The following AEBP2 variants were observed in gnomAD, a reference collection of about 807,000 sequenced individuals.
AEBP2 encodes the protein AE binding protein 2.
AEBP2 carries 10 observed loss-of-function variants against 50.8 expected under a neutral mutation model. That is an observed-to-expected ratio of 0.20 (90% CI 0.12 to 0.33). The LOEUF (loss-of-function observed/expected upper bound fraction) is 0.33. Ranked by LOEUF, AEBP2 falls within the 10% of genes least tolerant of loss-of-function variation. AEBP2 has a pLI of 1.00. For synonymous variants in AEBP2, 296 were observed against 261.3 expected, an observed-to-expected ratio of 1.13 and a Z score of -1.28; for missense variants, 570 against 688.0, an observed-to-expected ratio of 0.83 and a Z score of 1.92.
chr12:19,440,788 C>A, intron 1 of AEBP2: 1 of 1,529,072 alleles, frequency 6.5e-7, no homozygotes, highest in South Asian at 1.2e-5. Context: ...CAAGTGTTTC[C>A]AATATGGCTG....
chr12:19,470,164 C>CT (rs138544228), intron 2 of AEBP2, among the ~76,000 whole-genome samples: 24,179 of 144,178 alleles, frequency 0.17, 3,469 homozygotes, highest in African/African-American at 0.39. Context: ...TTTCTTTTTT[C>CT]TTTTTTTTTT....
chr12:19,450,624 G>C (rs1465651659), intron 1 of AEBP2, among the ~76,000 whole-genome samples: 1 of 139,866 alleles, frequency 7.1e-6, no homozygotes, highest in East Asian at 2.2e-4. Context: ...CAACCCAGGA[G>C]TTTGAGACCA....
chr12:19,448,070 A>AT (rs1003175905), intron 1 of AEBP2, among the ~76,000 whole-genome samples: 10 of 152,074 alleles, frequency 6.6e-5, no homozygotes, highest in African/African-American at 2.2e-4. Context: ...TTTTTAAAAC[A>AT]TTTTTTTATT....
intron 1 of AEBP2, chr12:19,419,178 A>T (rs2095744236): frequency 6.5e-6 from 1 of 153,928 alleles, no homozygotes; most frequent in Non-Finnish European, 1.5e-5. Context: ...TCTGGAGCTG[A>T]ACACTCAGGG....
chr12:19,406,470 GGAGTTCGAGATCAGCCT>G (rs775450896), intron 1 of AEBP2, among the ~76,000 whole-genome samples: 2 of 152,094 alleles, frequency 1.3e-5, no homozygotes, highest in Admixed American at 6.6e-5. Flanking sequence ...CCTGAGGTCA[GGAGTTCGAGATCAGCCT>G]GACCAATATG....
Position 19,439,555 on chromosome 12 carries a change from A to T in AEBP2, c.-145A>T. Reference sequence around the variant, plus strand: ...CGCGCGGGCTCCGTAGCGCGTGTGCAGGCTGACGCAGCTCGCGGGCCCTCC... The same window carrying T: ...CGCGCGGGCTCCGTAGCGCGTGTGCTGGCTGACGCAGCTCGCGGGCCCTCC... On this transcript the variant is annotated 5_prime_UTR_variant, in exon 1 of 8. Coordinates refer to ENST00000266508, the MANE Select transcript of AEBP2 (RefSeq NM_153207.5). 9.2e-7 allele frequency: 1 copy of T among 1,083,214 alleles called. No homozygotes were observed. The highest frequency in any genetic ancestry group is 1.3e-6 in the Non-Finnish European group (1 of 792,744). The allele number at this position is 1,083,214 out of a possible 1,614,324, so 67.1% of individuals were successfully genotyped here. A position where few individuals can be genotyped will look rare whatever the true frequency, so the allele number is the denominator to read the frequency against.
chr12:19,404,971 G>C (rs1177615821), intron 1 of AEBP2, among the ~76,000 whole-genome samples: 2 of 119,324 alleles, frequency 1.7e-5, no homozygotes, highest in Admixed American at 2.2e-4. Flanking sequence ...GTCTCACTGT[G>C]TTGCCCAGGC....
At chr12:19,514,912 C>CTTT (rs34967305) in intron 7 of AEBP2, 128 bp downstream of exon 7, 6 of 549,492 alleles carry the variant, frequency 1.1e-5, no homozygotes, top group African/African-American at 6.3e-5. Context: ...TACTTCCTGG[C>CTTT]TTTTTTTTTT....
chr12:19,405,029 G>A (rs2095735476), intron 1 of AEBP2, among the ~76,000 whole-genome samples: 1 of 148,208 alleles, frequency 6.7e-6, no homozygotes, highest in African/African-American at 2.5e-5. Context: ...CTGCCTCCAG[G>A]GTTCAAGTGA....
At chr12:19,440,756 C>G (rs1426062145) in intron 1 of AEBP2, 3 of 1,533,562 alleles carry the variant, frequency 2.0e-6, no homozygotes, top group Non-Finnish European at 2.6e-6. Flanking sequence ...TGTTCGGGAA[C>G]ACTTGTCAGA....
Position 19,440,378 on chromosome 12 carries a change from C to T in AEBP2, c.671+8C>T. On this transcript the variant is annotated splice_region_variant and intron_variant, in intron 1 of 7. Coordinates refer to ENST00000266508, the MANE Select transcript of AEBP2 (RefSeq NM_153207.5). ...CATGGACTCGGAGGACAGGTCAGTG[C>T]TCTGAAGCGTTTCCCCTTCCCTTCC... is the stretch of plus-strand genomic sequence containing the variant. 1.4e-6 allele frequency: 2 copies of T among 1,476,084 alleles called. No individual in the cohort carries two copies. The highest frequency in any genetic ancestry group is 1.8e-6 in the Non-Finnish European group (2 of 1,119,504). The allele number at this position is 1,476,084 out of a possible 1,614,324, so 91.4% of individuals were successfully genotyped here.
chr12:19,437,025 T>C (rs1947867289), upstream of AEBP2, among the ~76,000 whole-genome samples: 1 of 152,024 alleles, frequency 6.6e-6, no homozygotes, highest in Non-Finnish European at 1.5e-5. Flanking sequence ...AAACCAGAAC[T>C]CCTTTCCCCA....
chr12:19,442,110 G>T (rs1592716849), intron 1 of AEBP2, among the ~76,000 whole-genome samples: 1 of 152,042 alleles, frequency 6.6e-6, no homozygotes, highest in African/African-American at 2.4e-5. Flanking sequence ...AAAATAATTC[G>T]CCTTAAATAA....
intron 1 of AEBP2, among the ~76,000 whole-genome samples, chr12:19,444,106 T>A (rs1289717843): frequency 6.6e-6 from 1 of 152,144 alleles, no homozygotes; most frequent in African/African-American, 2.4e-5. Context: ...AAGTACTTTT[T>A]AAAAAAGTTA....
intron 1 of AEBP2, among the ~76,000 whole-genome samples, chr12:19,420,392 G>A (rs7967500): frequency 0.078 from 10,440 of 134,616 alleles, 426 homozygotes; most frequent in South Asian, 0.19. Flanking sequence ...GGAGTACGAT[G>A]GTGCTATCTC....
At chr12:19,466,682 G>C in intron 2 of AEBP2, 1 of 505,056 alleles carries the variant, frequency 2.0e-6, no homozygotes, top group Non-Finnish European at 2.6e-6. Flanking sequence ...AATATAAGTA[G>C]AAAACACCTG....
chr12:19,430,251 G>A (rs555769137), intron 1 of AEBP2, among the ~76,000 whole-genome samples: 1 of 152,086 alleles, frequency 6.6e-6, no homozygotes, highest in Admixed American at 6.6e-5. Flanking sequence ...CCCATTTCTT[G>A]TTTTTGTCAG....
rs377709481 is a variant in AEBP2, at chr12:19,521,322, C to G, written c.*3205C>G. 14 of 152,144 alleles carry G rather than the reference C, an allele frequency of 9.2e-5. No homozygotes were observed. In the East Asian group the frequency reaches 2.3e-3, roughly 25 times the overall value. The allele number at this position is 152,144 out of a possible 1,614,324, so 9.4% of individuals were successfully genotyped here. A position where few individuals can be genotyped will look rare whatever the true frequency, so the allele number is the denominator to read the frequency against. ...CAGTAAATACTGCCATATTAGGTAC[C>G]TACAACAAATGGTGGTTTTTGGAAA... On this transcript the variant is annotated 3_prime_UTR_variant, in exon 8 of 8. Coordinates refer to ENST00000266508, the MANE Select transcript of AEBP2 (RefSeq NM_153207.5).
At chr12:19,485,249 A>G (rs890723045) in intron 3 of AEBP2, among the ~76,000 whole-genome samples, 3 of 152,086 alleles carry the variant, frequency 2.0e-5, no homozygotes, top group African/African-American at 4.8e-5. Context: ...GACGTTTCCT[A>G]TTGGAGAGGG....
Sources: allele counts gnomAD v4.1 joint callset (sites outside exome capture counted in the v4.1 genomes callset), GRCh38; gene constraint gnomAD v4.1.1; transcripts MANE v1.5; gene names NCBI Gene and HGNC (gene_info 2026-07-23, HGNC 2026-07-21).